The following AKAP12 variants were observed in gnomAD, a reference collection of about 807,000 sequenced individuals.
AKAP12 encodes A-kinase anchoring protein 12, also known as A-kinase anchor protein 12.
A neutral mutation model predicts 79.9 loss-of-function variants in AKAP12; 32 were observed. The observed-to-expected ratio is 0.40, with a 90% CI of 0.30 to 0.54. The LOEUF (loss-of-function observed/expected upper bound fraction) is 0.54. Among genes scored for constraint, AKAP12 ranks in the 20% least tolerant of loss-of-function variants. AKAP12 has a pLI of 0.48. For missense variants in AKAP12, 2,074 were observed against 2,177.0 expected (o/e 0.95, Z 0.94); for synonymous variants, 808 against 857.0 (o/e 0.94, Z 1.00).
chr6:151,349,818 C>T lies in AKAP12; in HGVS notation c.1427C>T (p.Pro476Leu), dbSNP rs1778226601. ...GAAACGTGTGTTTCCGGAGAGGACC[C>T]TACACAGGGAGCTGACCTCAGTCCT... ...LKETCVSGEDPTQGADLSPDE... is the reference protein window; with the variant it reads ...LKETCVSGEDLTQGADLSPDE... Residue 476 changes from proline (P) to leucine (L), a missense_variant, in exon 4 of 5, where the codon CCT becomes CTT. Transcript: ENST00000402676. 1.9e-6 allele frequency: 3 copies of T among 1,614,134 alleles called. No individual in the cohort carries two copies. The highest frequency in any genetic ancestry group is 2.5e-6 in the Non-Finnish European group (3 of 1,180,014).
intron 2 of AKAP12, among the ~76,000 whole-genome samples, chr6:151,248,793 G>T (rs956512194): frequency 1.3e-5 from 2 of 152,110 alleles, no homozygotes; most frequent in African/African-American, 4.8e-5. Context: ...TTCAAGACCA[G>T]CCTGGCCAAC....
rs1303327962 is a variant in AKAP12, at chr6:151,332,033, G to GTTGTTTTTGTTTTTTTTT, written c.320-16676_320-16675insGTTTTTGTTTTTTTTTTT. ...GAGTAGCACGTCCAGTTCTGGGTCT[G>GTTGTTTTTGTTTTTTTTT]TTTTTTTTTTTTTTTTTTTTTGAGA... On this transcript the variant is annotated intron_variant, in intron 3 of 4. Transcript: ENST00000402676. Among the ~76,000 whole-genome samples the GTTGTTTTTGTTTTTTTTT allele has an allele frequency of 7.5e-4, 60 of 79,674 alleles. 12 individuals are homozygous for GTTGTTTTTGTTTTTTTTT. The highest frequency in any genetic ancestry group is 1.7e-3 in the African/African-American group (31 of 18,432). The allele number at this position is 79,674 out of a possible 152,430, so 52.3% of individuals were successfully genotyped here. A position where few individuals can be genotyped will look rare whatever the true frequency, so the allele number is the denominator to read the frequency against.
chr6:151,355,248 T>C (rs980448741), intron 4 of AKAP12, among the ~76,000 whole-genome samples: 41 of 151,556 alleles, frequency 2.7e-4, no homozygotes, highest in African/African-American at 9.7e-4. Context: ...CTCGGCCTCC[T>C]AAAGTGCTGG....
In AKAP12 at chr6:151,351,919, C is replaced by T. The variant is rs146148717; in HGVS notation, c.3528C>T (p.Pro1176=). 1.1e-4 allele frequency: 173 copies of T among 1,614,048 alleles called. No homozygotes were observed. The African/African-American group carries it at 1.9e-3, about 18-fold the overall frequency. ...PTDSETDGST[P]VADFDAPGTT... ...ACAGTGAGACTGATGGAAGCACCCC[C>T]GTAGCCGACTTTGACGCACCAGGCA... The change falls in exon 4 of 5, where the codon CCC becomes CCT. Residue 1176 remains proline (P), a synonymous_variant. Transcript: ENST00000402676. This position sits in a 1 kb window ranked among gnomAD's most constrained non-coding sequence, Gnocchi z 4.4.
intron 3 of AKAP12, among the ~76,000 whole-genome samples, chr6:151,312,028 T>A (rs1006013077): frequency 3.0e-4 from 45 of 152,162 alleles, no homozygotes; most frequent in African/African-American, 1.0e-3. Flanking sequence ...CCTTTTCTAT[T>A]TCAGTTTTCA....
At chr6:151,271,965 T>A (rs1776192805) in intron 2 of AKAP12, among the ~76,000 whole-genome samples, 1 of 152,184 alleles carries the variant, frequency 6.6e-6, no homozygotes, top group Admixed American at 6.5e-5. Context: ...CAGCCCAACG[T>A]TAATTTAATG....
intron 4 of AKAP12, among the ~76,000 whole-genome samples, chr6:151,354,035 C>T (rs538263971): frequency 1.3e-5 from 2 of 152,072 alleles, no homozygotes; most frequent in African/African-American, 4.8e-5. Context: ...TGCACATGTG[C>T]GTGTTTGACC....
At chr6:151,331,850 A>G (rs1425766170) in intron 3 of AKAP12, among the ~76,000 whole-genome samples, 1 of 144,018 alleles carries the variant, frequency 6.9e-6, no homozygotes, top group Non-Finnish European at 1.5e-5. Flanking sequence ...GCACCAACGC[A>G]CTCCAGCCTG....
intron 2 of AKAP12, among the ~76,000 whole-genome samples, chr6:151,261,769 A>ATTTG (rs1797443998): frequency 1.7e-5 from 2 of 120,746 alleles, no homozygotes; most frequent in Admixed American, 8.0e-5. Context: ...TTATTTATTT[A>ATTTG]TTTATGAGAT....
At chr6:151,354,791 C>CCTCTGT (rs1009821168) in intron 4 of AKAP12, among the ~76,000 whole-genome samples, 2 of 152,124 alleles carry the variant, frequency 1.3e-5, no homozygotes, top group Non-Finnish European at 2.9e-5. Flanking sequence ...CCTGCCTCTG[C>CCTCTGT]CTCTGTCTCC....
intron 2 of AKAP12, among the ~76,000 whole-genome samples, chr6:151,278,046 A>G (rs1776319925): frequency 6.6e-6 from 1 of 151,866 alleles, no homozygotes; most frequent in Non-Finnish European, 1.5e-5. Flanking sequence ...CCTCTTTTAT[A>G]TTTTATTTAA....
Position 151,350,501 on chromosome 6 carries a change from C to G in AKAP12, c.2110C>G (p.Pro704Ala), listed in dbSNP as rs1486222841. The G allele has an allele frequency of 6.2e-7, 1 of 1,613,844 alleles. No individual in the cohort carries two copies. Among genetic ancestry groups the G allele is most frequent in the South Asian group, 1.1e-5 (1 of 91,044 alleles). Residue 704 changes from proline to alanine, a missense_variant, in exon 4 of 5, where the codon CCA becomes GCA. Pro to Ala is a conservative substitution (Grantham distance 27, BLOSUM62 -1). Transcript: ENST00000402676. This position sits in a 1 kb window ranked among gnomAD's most constrained non-coding sequence, Gnocchi z 4.8. ...RGSSSDEEGG[P>A]KAMGGDHQKA... Reference sequence around the variant, plus strand: ...GTCCTCTTCTGATGAGGAAGGGGGACCAAAAGCAATGGGAGGAGACCACCA... The same window carrying G: ...GTCCTCTTCTGATGAGGAAGGGGGAGCAAAAGCAATGGGAGGAGACCACCA...
chr6:151,309,054 T>C (rs1777034528), intron 3 of AKAP12, among the ~76,000 whole-genome samples: 1 of 152,002 alleles, frequency 6.6e-6, no homozygotes, highest in South Asian at 2.1e-4. Flanking sequence ...TTTGTATTTT[T>C]AGTAGAGATG....
rs1368535626 is a variant in AKAP12, at chr6:151,358,284, C to T, written c.*2570C>T. 6.6e-6 allele frequency: 1 copy of T among 152,224 alleles called. No homozygotes were observed. The highest frequency in any genetic ancestry group is 1.5e-5 in the Non-Finnish European group (1 of 68,034). 9.4% of individuals were successfully genotyped at this position (152,224 alleles called of 1,614,324 possible). On this transcript the variant is annotated 3_prime_UTR_variant, in exon 5 of 5. Transcript: ENST00000402676. The stretch of plus-strand genomic sequence containing the variant: ...CAAGACTTGTAAACTCTCACCACTT[C>T]TTGTAATATCAAATGTTCCCCCTCA...
intron 2 of AKAP12, among the ~76,000 whole-genome samples, chr6:151,251,986 G>A (rs1167556794): frequency 6.6e-6 from 1 of 152,126 alleles, no homozygotes; most frequent in Non-Finnish European, 1.5e-5. Context: ...AACAGCGTGA[G>A]TGAGACTCTG....
chr6:151,325,745 A>T, intron 3 of AKAP12: 1 of 1,572,590 alleles, frequency 6.4e-7, no homozygotes, highest in South Asian at 1.2e-5. Context: ...CTGGGCGCTC[A>T]GTCCGCTCTG....
rs369614617 is a variant in AKAP12 at position 151,353,024 on chromosome 6, A to C, written c.4633A>C (p.Lys1545Gln). ...AAATGGGATTTTGGAACTTGAGACC[A>C]AAAGCAGTAAACTTGTCCAAAACAT... ...PENGILELET[K>Q]SSKLVQNIIQ... The change falls in exon 4 of 5, where the codon AAA becomes CAA. Residue 1545 changes from lysine to glutamine, a missense_variant. Physicochemically the swap from Lys to Gln is moderately conservative, Grantham distance 53. This residue lies in a region of AKAP12 where 614 missense variants were observed against 665.6 expected (regional missense o/e 0.92). Coordinates refer to ENST00000402676, the MANE Select transcript of AKAP12 (RefSeq NM_005100.4). 121 of 1,614,042 alleles carry C rather than the reference A, an allele frequency of 7.5e-5. No individual in the cohort carries two copies. The highest frequency in any genetic ancestry group is 9.5e-5 in the Non-Finnish European group (112 of 1,179,982).
At chr6:151,266,982 A>C (rs1207644067) in intron 2 of AKAP12, among the ~76,000 whole-genome samples, 2 of 143,370 alleles carry the variant, frequency 1.4e-5, no homozygotes, top group Non-Finnish European at 3.0e-5. Flanking sequence ...GCGCCACTGC[A>C]CCAGCCTGGC....
At chr6:151,266,834 T>C (rs1267981752) in intron 2 of AKAP12, among the ~76,000 whole-genome samples, 1 of 151,850 alleles carries the variant, frequency 6.6e-6, no homozygotes, top group African/African-American at 2.4e-5. Flanking sequence ...TGGGAAAATA[T>C]GCAAAACTGT....
Sources: gnomAD v4.1 joint callset for allele counts (sites outside exome capture counted in the v4.1 genomes callset) on GRCh38, gnomAD v4.1.1 for gene constraint, gnomAD v4.1.1 regional missense constraint, Gnocchi (gnomAD v3.1) non-coding constraint, MANE v1.5 for transcripts, NCBI Gene and HGNC (gene_info 2026-07-23, HGNC 2026-07-21) for gene names.